Variants in ITPKB observed in about 807,000 individuals in gnomAD.
ITPKB encodes the protein IP3 3-kinase B.
A neutral mutation model predicts 69.4 loss-of-function variants in ITPKB; 13 were observed. That is an observed-to-expected ratio of 0.19 (90% CI 0.12 to 0.30). ITPKB has a LOEUF of 0.30. ITPKB is among the 10% of genes least tolerant of loss of function. The pLI is 1.00. For missense variants in ITPKB, 1,240 were observed against 1,250.5 expected (o/e 0.99, Z 0.13); for synonymous variants, 584 against 513.7 (o/e 1.14, Z -1.85).
At chr1:226,710,173 G>A (rs942980270) in intron 2 of ITPKB, among the ~76,000 whole-genome samples, 13 of 152,288 alleles carry the variant, frequency 8.5e-5, no homozygotes, top group Middle Eastern at 6.8e-3. Flanking sequence ...GGGGCAGCTG[G>A]TGATTGGCTG....
intron 2 of ITPKB, among the ~76,000 whole-genome samples, chr1:226,704,769 A>C (rs773877908): frequency 6.6e-6 from 1 of 152,250 alleles, no homozygotes; most frequent in Non-Finnish European, 1.5e-5. Flanking sequence ...AGAGGCTTTT[A>C]TCTCTACCGA....
chr1:226,717,757 C>T (rs530689031), intron 2 of ITPKB, among the ~76,000 whole-genome samples: 50 of 152,222 alleles, frequency 3.3e-4, no homozygotes, highest in Non-Finnish European at 5.1e-4. Flanking sequence ...CCGGGCTGCC[C>T]GCCAAGGGGC....
Position 226,737,587 on chromosome 1 carries a change from G to A in ITPKB, c.-129C>T, listed in dbSNP as rs956544320. The A allele has an allele frequency of 1.2e-5, 14 of 1,190,276 alleles. No homozygotes were observed. Among genetic ancestry groups the A allele is most frequent in the Non-Finnish European group, 1.3e-5 (13 of 964,246 alleles). 73.7% of individuals were successfully genotyped at this position (1,190,276 alleles called of 1,614,324 possible). A position where few individuals can be genotyped will look rare whatever the true frequency, so the allele number is the denominator to read the frequency against. On this transcript the variant is annotated 5_prime_UTR_variant, in exon 2 of 8. Coordinates refer to ENST00000429204, the MANE Select transcript of ITPKB (RefSeq NM_002221.4). ...CCGCGGCTCCGCGCGCAGATGGGGC[G>A]GCATGGCCTGGGCAGCGGGCTGGGG...
intron 2 of ITPKB, among the ~76,000 whole-genome samples, chr1:226,679,804 A>C (rs972919144): frequency 1.3e-5 from 2 of 152,204 alleles, no homozygotes; most frequent in African/African-American, 2.4e-5. Flanking sequence ...CTCAACTTAA[A>C]GGTTATTGCT....
chr1:226,719,725 C>T (rs1481941192), intron 2 of ITPKB, among the ~76,000 whole-genome samples: 1 of 152,180 alleles, frequency 6.6e-6, no homozygotes, highest in East Asian at 1.9e-4. Flanking sequence ...TGCCTGGGTG[C>T]TTCACAGTAT....
chr1:226,708,557 G>A (rs1267082038), intron 2 of ITPKB, among the ~76,000 whole-genome samples: 1 of 152,298 alleles, frequency 6.6e-6, no homozygotes, highest in South Asian at 2.1e-4. Flanking sequence ...ACCATGAAGA[G>A]CCATCCCCTT....
intron 2 of ITPKB, among the ~76,000 whole-genome samples, chr1:226,696,214 T>C (rs562109262): frequency 6.6e-6 from 1 of 152,318 alleles, no homozygotes; most frequent in South Asian, 2.1e-4. Flanking sequence ...TTTCCACATC[T>C]GTGAAATGGG....
chr1:226,724,684 C>T (rs902295382), intron 2 of ITPKB, among the ~76,000 whole-genome samples: 1 of 152,200 alleles, frequency 6.6e-6, no homozygotes, highest in African/African-American at 2.4e-5. Context: ...CCTCAGGGTT[C>T]TTCCCCTCCC....
At chr1:226,691,249 A>C (rs1263005967) in intron 2 of ITPKB, among the ~76,000 whole-genome samples, 1 of 152,078 alleles carries the variant, frequency 6.6e-6, no homozygotes, top group Non-Finnish European at 1.5e-5. Context: ...AAAAAAAAAA[A>C]ACCTCTGTTT....
rs749038071 is a variant in ITPKB at position 226,736,982 on chromosome 1, G to C, written c.477C>G (p.Ser159=). 3.7e-6 allele frequency: 6 copies of C among 1,612,412 alleles called. No individual in the cohort carries two copies. Among genetic ancestry groups the C allele is most frequent in the Non-Finnish European group, 5.1e-6 (6 of 1,179,928 alleles). ...MFEAHIQAQS[S]AIQAPRSPRL... ...GCGGGCTGCGGGGCGCTTGAATGGCGGAGCTCTGTGCCTGGATGTGCGCCT... is the reference window on the plus strand; with the variant it reads ...GCGGGCTGCGGGGCGCTTGAATGGCCGAGCTCTGTGCCTGGATGTGCGCCT... The change falls in exon 2 of 8, where the codon TCC becomes TCG. Residue 159 remains serine, a synonymous_variant. Coordinates refer to ENST00000429204, the MANE Select transcript of ITPKB (RefSeq NM_002221.4).
At chr1:226,657,056 C>T (rs1205104486) in intron 2 of ITPKB, 2 of 152,028 alleles carry the variant, frequency 1.3e-5, no homozygotes, top group Non-Finnish European at 2.9e-5. Flanking sequence ...TCAGATGAGG[C>T]TAACTGTGTG....
intron 4 of ITPKB, among the ~76,000 whole-genome samples, chr1:226,646,869 T>C (rs1314217797): frequency 6.6e-6 from 1 of 152,174 alleles, no homozygotes; most frequent in African/African-American, 2.4e-5. Flanking sequence ...GGCAGCTCTC[T>C]CTTCCTTCTC....
intron 4 of ITPKB, among the ~76,000 whole-genome samples, chr1:226,646,899 C>T (rs1224200186): frequency 6.6e-6 from 1 of 152,226 alleles, no homozygotes; most frequent in African/African-American, 2.4e-5. Flanking sequence ...CCTCAGAACC[C>T]AGCCGGTGCC....
chr1:226,732,581 A>G (rs934070766), intron 2 of ITPKB, among the ~76,000 whole-genome samples: 1 of 151,656 alleles, frequency 6.6e-6, no homozygotes, highest in Admixed American at 6.6e-5. Context: ...TGACAGAACA[A>G]TTTTGAAATA....
At chr1:226,659,619 C>CCCACG (rs1669362584) in intron 2 of ITPKB, 1 of 152,164 alleles carries the variant, frequency 6.6e-6, no homozygotes, top group Non-Finnish European at 1.5e-5. Flanking sequence ...CCACTCTAGC[C>CCCACG]CCACGCCACT....
At chr1:226,707,439 C>T (rs200766677) in intron 2 of ITPKB, 9 of 659,396 alleles carry the variant, frequency 1.4e-5, no homozygotes, top group African/African-American at 5.9e-5. Context: ...TCAGGTGATC[C>T]GCCCGCCTTG....
intron 2 of ITPKB, among the ~76,000 whole-genome samples, chr1:226,732,861 C>G (rs1657633196): frequency 6.6e-6 from 1 of 152,154 alleles, no homozygotes; most frequent in African/African-American, 2.4e-5. Context: ...GCAACTATTT[C>G]TGAGCAAATT....
rs990273835 is a variant in ITPKB at position 226,634,940 on chromosome 1, C to A, written c.2626-54G>T. 61 of 1,435,312 alleles carry A rather than the reference C, an allele frequency of 4.2e-5. No individual in the cohort carries two copies. Among genetic ancestry groups the A allele is most frequent in the Middle Eastern group, 1.8e-4 (1 of 5,602 alleles). The allele number at this position is 1,435,312 out of a possible 1,614,324, so 88.9% of individuals were successfully genotyped here. A position where few individuals can be genotyped will look rare whatever the true frequency, so the allele number is the denominator to read the frequency against. On this transcript the variant is annotated intron_variant, in intron 7 of 7. Transcript: ENST00000429204. This position sits in a 1 kb window ranked among gnomAD's most constrained non-coding sequence, Gnocchi z 6.3. The stretch of plus-strand genomic sequence containing the variant: ...GCTGAAGCCCGGGCCTCGCCCTCCC[C>A]ACTGCGGCCCGGGGCCTGGGTGACC...
chr1:226,711,444 T>A (rs6669565), intron 2 of ITPKB, among the ~76,000 whole-genome samples: 7,494 of 64,566 alleles, frequency 0.12, 238 homozygotes, highest in Admixed American at 0.21. Context: ...AGAGAGAGAG[T>A]GTGTGTGTGT....
Sources: allele counts gnomAD v4.1 joint callset (sites outside exome capture counted in the v4.1 genomes callset), GRCh38; gene constraint gnomAD v4.1.1; non-coding constraint Gnocchi (gnomAD v3.1); transcripts MANE v1.5; gene names NCBI Gene and HGNC (gene_info 2026-07-23, HGNC 2026-07-21).